CXADR: variants seen among roughly 807,000 people sequenced by gnomAD.
The protein encoded by CXADR is coxsackievirus and adenovirus receptor.
In CXADR, 20 loss-of-function variants were observed where a neutral mutation model predicts 40.3. The observed-to-expected ratio is 0.50, with a 90% CI of 0.35 to 0.72. The LOEUF is 0.72. CXADR is among the 30% of genes least tolerant of loss of function. The probability of loss-of-function intolerance (pLI) is 0.01; values close to 1 mark genes in which losing one functional copy is unlikely to be tolerated. For synonymous variants in CXADR, 150 were observed against 161.3 expected, an observed-to-expected ratio of 0.93 and a Z score of 0.53; for missense variants, 332 against 449.1, an observed-to-expected ratio of 0.74 and a Z score of 2.36.
At chr21:17,539,028 T>C (rs1208908125) in intron 1 of CXADR, among the ~76,000 whole-genome samples, 1 of 151,808 alleles carries the variant, frequency 6.6e-6, no homozygotes, top group Non-Finnish European at 1.5e-5. Context: ...TGAGTGAACG[T>C]TGATACCCTG....
rs180744796 is a variant in CXADR, at chr21:17,527,233, A to G, written c.43+14061A>G. On this transcript the variant is annotated intron_variant, in intron 1 of 6. Coordinates refer to ENST00000284878, the MANE Select transcript of CXADR (RefSeq NM_001338.5). ...GAACAATTGATTGAAATAATTCACT[A>G]CTTTTAGACCAACCAAGAAGAAGAA... The G allele has an allele frequency of 2.6e-5, 4 of 152,328 alleles. No homozygotes were observed. In the East Asian group the frequency reaches 5.8e-4, roughly 22 times the overall value. 9.4% of individuals were successfully genotyped at this position (152,328 alleles called of 1,614,324 possible). A position where few individuals can be genotyped will look rare whatever the true frequency, so the allele number is the denominator to read the frequency against.
chr21:17,538,850 A>G (rs1159202455), intron 1 of CXADR, among the ~76,000 whole-genome samples: 1 of 152,134 alleles, frequency 6.6e-6, no homozygotes, highest in Non-Finnish European at 1.5e-5. Context: ...AATTATATAG[A>G]GAACACTCTG....
the CXADR span, among the ~76,000 whole-genome samples, chr21:17,627,852 A>T: frequency 6.6e-6 from 1 of 152,220 alleles, no homozygotes; most frequent in Non-Finnish European, 1.5e-5. Flanking sequence ...GATTGGTAAA[A>T]GTATGGATGT....
Position 17,577,612 on chromosome 21 carries a change from C to CTTTTTTTTTTTTTTTTTT in CXADR, c.1017+12012_1017+12029dup, listed in dbSNP as rs532541050. On this transcript the variant is annotated intron_variant, in intron 7 of 7. Transcript: ENST00000400169. ...CTCACACGTCAGACCATTCTGCAAG[C>CTTTTTTTTTTTTTTTTTT]TTTTTTTTTTTTTTTTTTTTTTTTT... Among the ~76,000 whole-genome samples, 20 of 36,576 alleles carry CTTTTTTTTTTTTTTTTTT rather than the reference C, an allele frequency of 5.5e-4. 2 individuals are homozygous for CTTTTTTTTTTTTTTTTTT. The highest frequency in any genetic ancestry group is 1.9e-3 in the South Asian group (1 of 530). 24.0% of individuals were successfully genotyped at this position (36,576 alleles called of 152,430 possible). A position where few individuals can be genotyped will look rare whatever the true frequency, so the allele number is the denominator to read the frequency against.
Position 17,569,076 on chromosome 21 carries a change from G to T in CXADR, c.*3384G>T. 1.0e-6 allele frequency: 1 copy of T among 985,358 alleles called. No homozygotes were observed. The highest frequency in any genetic ancestry group is 1.2e-6 in the Non-Finnish European group (1 of 829,926). 61.0% of individuals were successfully genotyped at this position (985,358 alleles called of 1,614,324 possible). On this transcript the variant is annotated 3_prime_UTR_variant, in exon 7 of 7. Transcript: ENST00000284878. Reference sequence around the variant, plus strand: ...TAAACCTTTTGATGAAATATAAAAGGAACTCATTGCATGAAGTTGACTATC... The same window carrying T: ...TAAACCTTTTGATGAAATATAAAAGTAACTCATTGCATGAAGTTGACTATC...
rs535582888 is a variant in CXADR, at chr21:17,518,680, C to T, written c.43+5508C>T. 12 of 1,609,716 alleles carry T rather than the reference C, an allele frequency of 7.5e-6. No homozygotes were observed. In the East Asian group the frequency reaches 2.7e-4, roughly 36 times the overall value. ...CCTAAGGCTTGTTAAACTGTCAGCA[C>T]CAAGCTGACTTAATATTCCAGGTAT... On this transcript the variant is annotated intron_variant, in intron 1 of 6. Transcript: ENST00000284878.
At chr21:17,576,155 C>G (rs1321270057) in intron 7 of CXADR, among the ~76,000 whole-genome samples, 1 of 151,444 alleles carries the variant, frequency 6.6e-6, no homozygotes, top group Non-Finnish European at 1.5e-5. Flanking sequence ...CAACAGGGTT[C>G]CATTGATTGA....
At chr21:17,534,841 A>G (rs944826522) in intron 1 of CXADR, among the ~76,000 whole-genome samples, 2 of 140,582 alleles carry the variant, frequency 1.4e-5, no homozygotes, top group Admixed American at 7.5e-5. Flanking sequence ...CTGGAGTGCA[A>G]TGGTGCAATC....
the CXADR span, among the ~76,000 whole-genome samples, chr21:17,617,505 G>T: frequency 2.8e-4 from 42 of 152,288 alleles, no homozygotes; most frequent in African/African-American, 9.6e-4. Flanking sequence ...ATACCTCGGA[G>T]ATATTGCGAG....
chr21:17,574,829 A>G (rs571488298), downstream of CXADR, among the ~76,000 whole-genome samples: 3 of 152,296 alleles, frequency 2.0e-5, 1 homozygote, highest in South Asian at 6.2e-4. Flanking sequence ...GAGATGTTGA[A>G]TAGATACCTA....
downstream of CXADR, among the ~76,000 whole-genome samples, chr21:17,573,761 T>C (rs961130150): frequency 6.6e-6 from 1 of 151,992 alleles, no homozygotes; most frequent in Non-Finnish European, 1.5e-5. Flanking sequence ...ATACAAAAAT[T>C]AGCTGGGTGG....
chr21:17,610,039 T>G, the CXADR span, among the ~76,000 whole-genome samples: 1 of 152,246 alleles, frequency 6.6e-6, no homozygotes, highest in East Asian at 1.9e-4. Context: ...GGGTGAACCT[T>G]GAATACATCA....
At chr21:17,622,097 A>G in the CXADR span, among the ~76,000 whole-genome samples, 2 of 152,196 alleles carry the variant, frequency 1.3e-5, no homozygotes, top group Non-Finnish European at 2.9e-5. Context: ...TCTGAGGCAG[A>G]GTCACTCCTT....
chr21:17,575,000 CA>C (rs2061309396), downstream of CXADR, among the ~76,000 whole-genome samples: 1 of 9,136 alleles, frequency 1.1e-4, no homozygotes, highest in East Asian at 5.0e-4. Flanking sequence ...TATACACACA[CA>C]TACATACATA....
chr21:17,569,754 T>C lies in CXADR; in HGVS notation c.*4062T>C, dbSNP rs1427141594. On this transcript the variant is annotated 3_prime_UTR_variant, in exon 7 of 7. Coordinates refer to ENST00000284878, the MANE Select transcript of CXADR (RefSeq NM_001338.5). ...ACATATCAGTTGGGTTTGGTTTTGG[T>C]CATCGAGACTAAAAGCTCCATCAAA... The C allele has an allele frequency of 1.0e-6, 1 of 984,024 alleles. No homozygotes were observed. Among genetic ancestry groups the C allele is most frequent in the Non-Finnish European group, 1.2e-6 (1 of 828,806 alleles). The allele number at this position is 984,024 out of a possible 1,614,324, so 61.0% of individuals were successfully genotyped here.
intron 1 of CXADR, among the ~76,000 whole-genome samples, chr21:17,520,322 G>A (rs1191808285): frequency 6.6e-6 from 1 of 152,326 alleles, no homozygotes; most frequent in East Asian, 1.9e-4. Flanking sequence ...TGTCTTGGGA[G>A]TTGAGTAGTT....
chr21:17,593,737 TATAA>T (rs1415799071), downstream of CXADR: 3 of 181,390 alleles, frequency 1.7e-5, no homozygotes, highest in Non-Finnish European at 3.4e-5. Context: ...TTTCCTTGTA[TATAA>T]ATAACTTACA....
At chr21:17,594,587 A>G (rs1355480808), downstream of CXADR, among the ~76,000 whole-genome samples, 1 of 152,078 alleles carries the variant, frequency 6.6e-6, no homozygotes, top group Non-Finnish European at 1.5e-5. Flanking sequence ...AACTTCAACC[A>G]AAAAAGACCA....
intron 1 of CXADR, among the ~76,000 whole-genome samples, chr21:17,534,929 C>T (rs1386408011): frequency 6.6e-6 from 1 of 151,752 alleles, no homozygotes; most frequent in Admixed American, 6.6e-5. Flanking sequence ...GGATTACAGG[C>T]ACATGCCACC....
Sources: gnomAD v4.1 joint callset for allele counts (sites outside exome capture counted in the v4.1 genomes callset) on GRCh38, gnomAD v4.1.1 for gene constraint, MANE v1.5 for transcripts, NCBI Gene and HGNC (gene_info 2026-07-23, HGNC 2026-07-21) for gene names.